KCNB2: variants seen among roughly 807,000 people sequenced by gnomAD.
The protein encoded by KCNB2 is delayed rectifier potassium channel protein.
KCNB2 carries 15 observed loss-of-function variants against 61.5 expected under a neutral mutation model. The observed-to-expected ratio is 0.24, with a 90% CI of 0.16 to 0.38. KCNB2 has a LOEUF of 0.38. Ranked by LOEUF, KCNB2 falls within the 10% of genes least tolerant of loss-of-function variation. KCNB2 has a pLI of 1.00. For missense variants in KCNB2, 828 were observed against 1,125.2 expected, an observed-to-expected ratio of 0.74 and a Z score of 3.78; for synonymous variants, 457 against 446.0, an observed-to-expected ratio of 1.02 and a Z score of -0.31.
In KCNB2 at chr8:72,630,976, G is replaced by A. The variant is rs1805869276; in HGVS notation, c.579+62663G>A. Among the ~76,000 whole-genome samples, 7 of 152,136 alleles carry A rather than the reference G, an allele frequency of 4.6e-5. No individual in the cohort carries two copies. The South Asian group carries it at 1.5e-3, about 32-fold the overall frequency. Reference sequence around the variant, plus strand: ...CCCCCCATGGATGCCTGAAACTATAGATAGTACTGAACCCTGTATACAGTA... The same window carrying A: ...CCCCCCATGGATGCCTGAAACTATAAATAGTACTGAACCCTGTATACAGTA... On this transcript the variant is annotated intron_variant, in intron 2 of 2. Coordinates refer to ENST00000523207, the MANE Select transcript of KCNB2 (RefSeq NM_004770.3).
chr8:72,714,300 A>G (rs1807382756), intron 2 of KCNB2, among the ~76,000 whole-genome samples: 1 of 152,216 alleles, frequency 6.6e-6, no homozygotes, highest in African/African-American at 2.4e-5. Context: ...AATTCAGGAA[A>G]TACAGAGAAT....
chr8:72,550,804 A>G (rs2128977294), intron 1 of KCNB2, among the ~76,000 whole-genome samples: 1 of 152,304 alleles, frequency 6.6e-6, no homozygotes, highest in Admixed American at 6.5e-5. Context: ...TGGCAATCCC[A>G]GTAGACAGGA....
rs1192901474 is a variant in KCNB2, at chr8:72,937,408, T to C, written c.2053T>C (p.Cys685Arg). 3 of 1,613,996 alleles carry C rather than the reference T, an allele frequency of 1.9e-6. No individual in the cohort carries two copies. The highest frequency in any genetic ancestry group is 2.5e-6 in the Non-Finnish European group (3 of 1,180,004). The change falls in exon 3 of 3, where the codon TGT becomes CGT. Residue 685 changes from cysteine to arginine, a missense_variant. Transcript: ENST00000523207. ...TVNLDASGSQCGLHSPLQSDN... is the reference protein window; with the variant it reads ...TVNLDASGSQRGLHSPLQSDN... Reference sequence around the variant, plus strand: ...GAACCTCGATGCCAGTGGCTCCCAGTGTGGGCTACATAGTCCTTTGCAGTC... The same window carrying C: ...GAACCTCGATGCCAGTGGCTCCCAGCGTGGGCTACATAGTCCTTTGCAGTC...
At chr8:72,778,473 C>G (rs1808695553) in intron 2 of KCNB2, among the ~76,000 whole-genome samples, 1 of 151,678 alleles carries the variant, frequency 6.6e-6, no homozygotes, top group Admixed American at 6.6e-5. Context: ...CACGGTGGCT[C>G]ACATCTGTAA....
chr8:72,675,259 T>C (rs1375146568), intron 2 of KCNB2, among the ~76,000 whole-genome samples: 1 of 152,222 alleles, frequency 6.6e-6, no homozygotes, highest in African/African-American at 2.4e-5. Flanking sequence ...ATGAGTTTCC[T>C]GATGGAAGCA....
chr8:72,659,243 G>C (rs1251023238), intron 2 of KCNB2, among the ~76,000 whole-genome samples: 4 of 152,132 alleles, frequency 2.6e-5, no homozygotes, highest in Non-Finnish European at 5.9e-5. Context: ...AGGGGTTCAA[G>C]ACATCAGTGG....
Position 72,688,926 on chromosome 8 carries a change from A to G in KCNB2, c.579+120613A>G, listed in dbSNP as rs1806898516. On this transcript the variant is annotated intron_variant, in intron 2 of 2. Coordinates refer to ENST00000523207, the MANE Select transcript of KCNB2 (RefSeq NM_004770.3). ...AGTATTTTTTGTAGAGACGGGTTTC[A>G]CCACGTTGGCCAGGCTGGTCTCAAA... Among the ~76,000 whole-genome samples the G allele has an allele frequency of 3.3e-5, 5 of 152,052 alleles. No homozygotes were observed. The South Asian group carries it at 1.0e-3, about 32-fold the overall frequency.
At chr8:72,686,525 T>C (rs2128989615) in intron 2 of KCNB2, among the ~76,000 whole-genome samples, 1 of 152,154 alleles carries the variant, frequency 6.6e-6, no homozygotes, top group African/African-American at 2.4e-5. Context: ...GCAATTTTCT[T>C]ATCTAAGAAA....
At chr8:72,716,112 G>A (rs1807434041) in intron 2 of KCNB2, among the ~76,000 whole-genome samples, 1 of 152,164 alleles carries the variant, frequency 6.6e-6, no homozygotes, top group African/African-American at 2.4e-5. Flanking sequence ...ACTAAACAAG[G>A]AAGAAACTGA....
At chr8:72,619,007 A>G (rs1183033854) in intron 2 of KCNB2, 5 of 319,542 alleles carry the variant, frequency 1.6e-5, no homozygotes, top group Non-Finnish European at 3.1e-5. Flanking sequence ...TTGTTTTTAG[A>G]ACATCCCTGT....
intron 2 of KCNB2, among the ~76,000 whole-genome samples, chr8:72,799,098 C>T (rs534467068): frequency 6.7e-4 from 102 of 152,070 alleles, no homozygotes; most frequent in Non-Finnish European, 9.8e-4. Context: ...AAGCTATGTC[C>T]CTGTGTGAAG....
chr8:72,646,491 A>G (rs1488929811), intron 2 of KCNB2, among the ~76,000 whole-genome samples: 1 of 152,206 alleles, frequency 6.6e-6, no homozygotes, highest in East Asian at 1.9e-4. Flanking sequence ...ATATTCAGAC[A>G]AGGGTTATAC....
At chr8:72,744,050 T>C (rs1808014783) in intron 2 of KCNB2, among the ~76,000 whole-genome samples, 1 of 152,128 alleles carries the variant, frequency 6.6e-6, no homozygotes, top group South Asian at 2.1e-4. Context: ...CAATATTAAC[T>C]TTTAAAAATA....
At chr8:72,620,718 C>T (rs1250486413) in intron 2 of KCNB2, among the ~76,000 whole-genome samples, 1 of 152,152 alleles carries the variant, frequency 6.6e-6, no homozygotes, top group Non-Finnish European at 1.5e-5. Flanking sequence ...AAGTGATTCT[C>T]CTGCCTCAGC....
chr8:72,798,752 C>T (rs571204052), intron 2 of KCNB2, among the ~76,000 whole-genome samples: 1 of 152,236 alleles, frequency 6.6e-6, no homozygotes, highest in African/African-American at 2.4e-5. Flanking sequence ...ATGGTAGAGA[C>T]AGTCTACCAT....
At chr8:72,542,554 T>C (rs186452408) in intron 1 of KCNB2, among the ~76,000 whole-genome samples, 79 of 152,256 alleles carry the variant, frequency 5.2e-4, no homozygotes, top group Non-Finnish European at 3.8e-4. Flanking sequence ...AAATTAAAAA[T>C]TATGTATGGC....
intron 2 of KCNB2, among the ~76,000 whole-genome samples, chr8:72,774,591 C>G (rs1331514952): frequency 6.6e-6 from 1 of 152,242 alleles, no homozygotes; most frequent in African/African-American, 2.4e-5. Context: ...CTCAAGTGAT[C>G]CCCCACCTTG....
chr8:72,821,503 A>G (rs573779943), intron 2 of KCNB2, among the ~76,000 whole-genome samples: 1 of 152,180 alleles, frequency 6.6e-6, no homozygotes. Flanking sequence ...GGATAATAAT[A>G]GCTATGTAAT....
At position 72,750,060 on chromosome 8, in the gene KCNB2, C is replaced by T. The variant is rs1808162394; in HGVS notation, c.579+181747C>T. Reference sequence around the variant, plus strand: ...TATATTTACAGACTTAAACTACATACTCCTTAGCTGTGCTTCTTGTTGAGC... The same window carrying T: ...TATATTTACAGACTTAAACTACATATTCCTTAGCTGTGCTTCTTGTTGAGC... On this transcript the variant is annotated intron_variant, in intron 2 of 2. Transcript: ENST00000523207. 2.0e-5 allele frequency among the ~76,000 whole-genome samples: 3 copies of T among 151,826 alleles called. No homozygotes were observed. The South Asian group carries it at 6.2e-4, about 32-fold the overall frequency.
Sources: allele counts gnomAD v4.1 joint callset (sites outside exome capture counted in the v4.1 genomes callset), GRCh38; gene constraint gnomAD v4.1.1; transcripts MANE v1.5; gene names NCBI Gene and HGNC (gene_info 2026-07-23, HGNC 2026-07-21).